TNIK: variants seen among roughly 807,000 people sequenced by gnomAD.
The protein encoded by TNIK is TRAF2 and NCK-interacting protein kinase.
Under a neutral mutation model 191.3 loss-of-function variants are expected in TNIK, and 49 were observed. The ratio of observed to expected loss-of-function variants is 0.26; its 90% CI spans 0.20 to 0.32. TNIK has a LOEUF of 0.32. Ranked by LOEUF, TNIK falls within the 10% of genes least tolerant of loss-of-function variation. The pLI, the probability that TNIK is intolerant of heterozygous loss-of-function variation, is 1.00. For missense variants in TNIK, 1,155 were observed against 1,702.3 expected, an observed-to-expected ratio of 0.68 and a Z score of 5.66; for synonymous variants, 594 against 600.9, an observed-to-expected ratio of 0.99 and a Z score of 0.17.
At chr3:171,339,820 T>C (rs1757333810) in intron 2 of TNIK, among the ~76,000 whole-genome samples, 2 of 152,354 alleles carry the variant, frequency 1.3e-5, no homozygotes, top group South Asian at 2.1e-4. Context: ...CGAGGCCTTC[T>C]GGCAGCACCT....
intron 10 of TNIK, among the ~76,000 whole-genome samples, chr3:171,165,543 A>G (rs1316800596): frequency 2.6e-5 from 4 of 151,250 alleles, no homozygotes; most frequent in Non-Finnish European, 5.9e-5. Context: ...CACCGCCCCC[A>G]CCGCTAGTCC....
intron 19 of TNIK, among the ~76,000 whole-genome samples, chr3:171,109,134 T>G (rs991622331): frequency 6.6e-6 from 1 of 152,148 alleles, no homozygotes; most frequent in Admixed American, 6.5e-5. Flanking sequence ...AAGTTGCCTA[T>G]AAATAGAAAA....
In TNIK at chr3:171,205,433, C is replaced by A. The variant is rs115830438; in HGVS notation, c.306+5683G>T. 6.7e-3 allele frequency among the ~76,000 whole-genome samples: 1,022 copies of A among 152,300 alleles called. 8 individuals are homozygous for A. The highest frequency in any genetic ancestry group is 0.023 in the African/African-American group (947 of 41,556). On this transcript the variant is annotated intron_variant, in intron 4 of 32. Transcript: ENST00000436636. ...TAGGCCCTTTGTCCTTCAAACCTGG[C>A]AGAATGTAGGAGCTGTAACTTCCAC...
intron 1 of TNIK, among the ~76,000 whole-genome samples, chr3:171,387,555 A>G: frequency 6.6e-6 from 1 of 152,294 alleles, no homozygotes; most frequent in Non-Finnish European, 1.5e-5. Context: ...CTATACTCAA[A>G]TGCTTTTATG....
chr3:171,115,365 G>A (rs1214159136), intron 18 of TNIK, among the ~76,000 whole-genome samples: 2 of 152,212 alleles, frequency 1.3e-5, no homozygotes, highest in Non-Finnish European at 2.9e-5. Flanking sequence ...TGGAGGAGAA[G>A]CACAAGCCAC....
chr3:171,096,481 A>T (rs918651520), intron 22 of TNIK, among the ~76,000 whole-genome samples: 2 of 151,750 alleles, frequency 1.3e-5, no homozygotes, highest in Admixed American at 1.3e-4. Flanking sequence ...CACTAACCTA[A>T]TTTTTTTTAA....
chr3:171,132,058 A>G (rs1296553829), intron 15 of TNIK, among the ~76,000 whole-genome samples: 1 of 152,228 alleles, frequency 6.6e-6, no homozygotes, highest in Non-Finnish European at 1.5e-5. Flanking sequence ...ATGCCTGAGG[A>G]TGTTCAAAAA....
rs569989804 is a variant in TNIK, at chr3:171,367,643, G to A, written c.123+1977C>T. ...TGCCACTACCACCTGGCTAATTTTT[G>A]TATTTTTAGTAGAGACAGGGTTGCA... On this transcript the variant is annotated intron_variant, in intron 2 of 32. Transcript: ENST00000436636. Among the ~76,000 whole-genome samples, 5 of 152,216 alleles carry A rather than the reference G, an allele frequency of 3.3e-5. No individual in the cohort carries two copies. In the South Asian group the frequency reaches 8.3e-4, roughly 25 times the overall value.
chr3:171,324,925 C>T (rs1577482861), intron 2 of TNIK, among the ~76,000 whole-genome samples: 1 of 151,306 alleles, frequency 6.6e-6, no homozygotes. Context: ...GGTGAAACCC[C>T]GTCTCTACTA....
chr3:171,378,321 C>G (rs1552794), intron 1 of TNIK, among the ~76,000 whole-genome samples: 58,901 of 152,050 alleles, frequency 0.39, 13,073 homozygotes, highest in East Asian at 0.84. Context: ...CGAATCCCAG[C>G]TTCACCATTT....
Position 171,194,451 on chromosome 3 carries a change from A to G in TNIK, c.417+74T>C, listed in dbSNP as rs556364998. On this transcript the variant is annotated intron_variant, in intron 5 of 32. Coordinates refer to ENST00000436636, the MANE Select transcript of TNIK (RefSeq NM_015028.4). ...AATTTCACTAGAAAGTCAGAAAAAA[A>G]TTCAATCCCTCATAAGATATCATGT... The G allele has an allele frequency of 3.8e-5, 51 of 1,338,038 alleles. 1 individual carries two copies. Among genetic ancestry groups the G allele is most frequent in the Non-Finnish European group, 4.8e-5 (46 of 958,912 alleles). 82.9% of individuals were successfully genotyped at this position (1,338,038 alleles called of 1,614,324 possible).
At chr3:171,390,476 G>A (rs1310812510) in intron 1 of TNIK, among the ~76,000 whole-genome samples, 1 of 152,116 alleles carries the variant, frequency 6.6e-6, no homozygotes, top group Non-Finnish European at 1.5e-5. Flanking sequence ...ATTCCCTCAT[G>A]GACTGAGCAG....
chr3:171,108,547 G>A (rs1213521046), intron 19 of TNIK, among the ~76,000 whole-genome samples: 1 of 152,126 alleles, frequency 6.6e-6, no homozygotes, highest in East Asian at 1.9e-4. Flanking sequence ...TGACACAACT[G>A]TCCGGAGGTC....
In TNIK at chr3:171,211,170, T is replaced by C. The variant is rs781141169; in HGVS notation, c.252A>G (p.Thr84=). 2.7e-5 allele frequency: 43 copies of C among 1,613,096 alleles called. No homozygotes were observed. The highest frequency in any genetic ancestry group is 2.5e-4 in the East Asian group (11 of 44,868). Reference sequence around the variant, plus strand: ...TCTTTTTGATAAAAGCACCATAGTATGTAGCAATATTCCGGTGATGAGAAT... The same window carrying C: ...TCTTTTTGATAAAAGCACCATAGTACGTAGCAATATTCCGGTGATGAGAAT... ...KKYSHHRNIA[T]YYGAFIKKNP... is the part of the protein sequence containing the mutation. Residue 84 remains threonine (T), a synonymous_variant, in exon 4 of 33, where the codon ACA becomes ACG. Coordinates refer to ENST00000436636, the MANE Select transcript of TNIK (RefSeq NM_015028.4).
intron 2 of TNIK, among the ~76,000 whole-genome samples, chr3:171,242,135 G>A (rs1026720494): frequency 2.7e-5 from 4 of 147,800 alleles, no homozygotes; most frequent in Admixed American, 6.8e-5. Flanking sequence ...TGTATGTTGT[G>A]CATTTGTACC....
chr3:171,315,287 G>A (rs1407343574), intron 2 of TNIK, among the ~76,000 whole-genome samples: 1 of 152,156 alleles, frequency 6.6e-6, no homozygotes, highest in Non-Finnish European at 1.5e-5. Context: ...CTCAACTGAT[G>A]ATGACGTGAA....
At chr3:171,201,445 G>A (rs1739392967) in intron 4 of TNIK, among the ~76,000 whole-genome samples, 1 of 151,838 alleles carries the variant, frequency 6.6e-6, no homozygotes, top group African/African-American at 2.4e-5. Context: ...ATAATAGGAA[G>A]AACAAACTTC....
At chr3:171,248,349 C>A (rs1012902748) in intron 2 of TNIK, among the ~76,000 whole-genome samples, 9 of 152,096 alleles carry the variant, frequency 5.9e-5, no homozygotes, top group Non-Finnish European at 1.5e-5. Context: ...GATTATTAAG[C>A]AGTGCTGAGT....
At chr3:171,260,665 T>C (rs1747490497) in intron 2 of TNIK, among the ~76,000 whole-genome samples, 1 of 152,220 alleles carries the variant, frequency 6.6e-6, no homozygotes, top group Non-Finnish European at 1.5e-5. Flanking sequence ...GGCTGCACCA[T>C]CTGGTTTCCA....
Sources: gnomAD v4.1 joint callset for allele counts (sites outside exome capture counted in the v4.1 genomes callset) on GRCh38, gnomAD v4.1.1 for gene constraint, MANE v1.5 for transcripts, NCBI Gene and HGNC (gene_info 2026-07-23, HGNC 2026-07-21) for gene names.